Variants in PCDHGA2 observed in about 807,000 individuals in gnomAD.
PCDHGA2 encodes the protein protocadherin gamma-A2.
PCDHGA2 carries 40 observed loss-of-function variants against 59.2 expected under a neutral mutation model. That is an observed-to-expected ratio of 0.68 (90% CI 0.52 to 0.88). The LOEUF (loss-of-function observed/expected upper bound fraction) is 0.88, where lower values mean the gene tolerates loss of function less well. PCDHGA2 is among the 40% of genes least tolerant of loss of function. The pLI is 0.00. For missense variants in PCDHGA2, 1,226 were observed against 1,204.0 expected (o/e 1.02, Z -0.27); for synonymous variants, 560 against 526.0 (o/e 1.06, Z -0.89).
At chr5:141,362,612 G>A in intron 1 of PCDHGA2, 3 of 1,553,624 alleles carry the variant, frequency 1.9e-6, no homozygotes, top group Non-Finnish European at 2.6e-6. Flanking sequence ...CCTAATTTGG[G>A]TAGGAAGTTC....
intron 1 of PCDHGA2, chr5:141,350,436 T>C (rs762811863): frequency 2.3e-5 from 37 of 1,610,426 alleles, no homozygotes; most frequent in Non-Finnish European, 2.9e-5. Context: ...GTCCGGGAGT[T>C]GCCAACTCGA....
chr5:141,372,928 T>C, intron 1 of PCDHGA2: 1 of 925,756 alleles, frequency 1.1e-6, no homozygotes, highest in Non-Finnish European at 1.6e-6. Context: ...GATTTTCTGG[T>C]GTAGAGTAGG....
chr5:141,352,850 T>G (rs1470279292), intron 1 of PCDHGA2, among the ~76,000 whole-genome samples: 1 of 152,078 alleles, frequency 6.6e-6, no homozygotes, highest in East Asian at 1.9e-4. Flanking sequence ...TAGTTGGGTG[T>G]GGTGGCACGC....
chr5:141,422,873 T>C (rs1474438774), intron 1 of PCDHGA2: 1 of 1,614,158 alleles, frequency 6.2e-7, no homozygotes, highest in Admixed American at 1.7e-5. Flanking sequence ...AACGTGTCGC[T>C]GAGCCTGTTC....
rs574393099 is a variant in PCDHGA2 at position 141,372,200 on chromosome 5, C to T, written c.2424+30805C>T. On this transcript the variant is annotated intron_variant, in intron 1 of 3. Transcript: ENST00000394576. ...TGGACGCAGACTCGGGATACAACGC[C>T]TGGCTGTCCTACCACATTGTGCAGG... The T allele has an allele frequency of 2.0e-5, 32 of 1,613,598 alleles. No individual in the cohort carries two copies. The South Asian group carries it at 3.4e-4, about 17-fold the overall frequency.
intron 1 of PCDHGA2, chr5:141,417,728 T>A: frequency 7.3e-7 from 1 of 1,373,610 alleles, no homozygotes; most frequent in Non-Finnish European, 9.6e-7. Flanking sequence ...GCGCAGACCT[T>A]GCCCAGCACA....
intron 1 of PCDHGA2, among the ~76,000 whole-genome samples, chr5:141,467,486 T>A (rs985186472): frequency 6.6e-6 from 1 of 152,242 alleles, no homozygotes; most frequent in Non-Finnish European, 1.5e-5. Flanking sequence ...GGTTTCCACA[T>A]TTAGATCCCT....
intron 2 of PCDHGA2, among the ~76,000 whole-genome samples, chr5:141,499,265 C>T (rs1220250999): frequency 6.6e-6 from 1 of 152,128 alleles, no homozygotes; most frequent in African/African-American, 2.4e-5. Context: ...CATTTGGTCC[C>T]TAGACTGTTC....
intron 1 of PCDHGA2, among the ~76,000 whole-genome samples, chr5:141,464,648 G>A (rs776411908): frequency 6.6e-6 from 1 of 152,020 alleles, no homozygotes; most frequent in African/African-American, 2.4e-5. Flanking sequence ...AACCTGATGG[G>A]TAAAAAGATA....
intron 1 of PCDHGA2, chr5:141,391,563 A>T (rs545672465): frequency 5.3e-5 from 8 of 152,322 alleles, no homozygotes; most frequent in Admixed American, 2.0e-4. Context: ...TTCCATATGC[A>T]TAAGAAAATA....
At position 141,486,002 on chromosome 5, in the gene PCDHGA2, G is replaced by A. The variant is rs372373315; in HGVS notation, c.2425-8805G>A. ...CCCGGACCTGGGTCCCAGTGGTAAC[G>A]TCACCTTTTATTTCAGTGGTCATAC... On this transcript the variant is annotated intron_variant, in intron 1 of 3. Coordinates refer to ENST00000394576, the MANE Select transcript of PCDHGA2 (RefSeq NM_018915.4). The surrounding 1 kb of genome is among the most constrained non-coding windows in gnomAD (Gnocchi z 5.0). 2.0e-5 allele frequency: 33 copies of A among 1,614,030 alleles called. No homozygotes were observed. The highest frequency in any genetic ancestry group is 2.8e-5 in the Non-Finnish European group (33 of 1,180,014).
chr5:141,370,932 T>A, intron 1 of PCDHGA2: 1 of 1,613,926 alleles, frequency 6.2e-7, no homozygotes, highest in Admixed American at 1.7e-5. Flanking sequence ...GCACTTCTCT[T>A]TGATTCAGAA....
At chr5:141,412,233 A>T (rs866840267) in intron 1 of PCDHGA2, 1 of 152,256 alleles carries the variant, frequency 6.6e-6, no homozygotes, top group Non-Finnish European at 1.5e-5. Context: ...TTAAAAACCT[A>T]TATCACTACA....
chr5:141,359,411 G>A (rs1467965013), intron 1 of PCDHGA2, among the ~76,000 whole-genome samples: 1 of 151,822 alleles, frequency 6.6e-6, no homozygotes, highest in Non-Finnish European at 1.5e-5. Flanking sequence ...TTTAAAAAAT[G>A]TGTTTTTGTT....
intron 1 of PCDHGA2, chr5:141,384,303 G>C: frequency 6.2e-7 from 1 of 1,613,716 alleles, no homozygotes; most frequent in Non-Finnish European, 8.5e-7. Flanking sequence ...ACCCCAGAGG[G>C]GCCTCCATTT....
Position 141,407,988 on chromosome 5 carries a change from C to T in PCDHGA2, c.2424+66593C>T, listed in dbSNP as rs923527525. 1.3e-4 allele frequency: 104 copies of T among 827,076 alleles called. 1 individual carries two copies. The highest frequency in any genetic ancestry group is 3.7e-4 in the Middle Eastern group (1 of 2,684). 51.2% of individuals were successfully genotyped at this position (827,076 alleles called of 1,614,324 possible). ...GCGCTGACGCCGGGGATCCGTCAGC[C>T]TCTGGCCTGGGATTCCCTGCGCAGC... On this transcript the variant is annotated intron_variant, in intron 1 of 3. Transcript: ENST00000394576.
rs151037104 is a variant in PCDHGA2, at chr5:141,393,242, C to G, written c.2424+51847C>G. 3 of 1,613,778 alleles carry G rather than the reference C, an allele frequency of 1.9e-6. 1 individual carries two copies. The East Asian group carries it at 6.7e-5, about 36-fold the overall frequency. ...TCGAAGATCTAGAAGTAAAAATTAA[C>G]GAAATCGCGGTTCCTGGAGCACGTT... On this transcript the variant is annotated intron_variant, in intron 1 of 3. Coordinates refer to ENST00000394576, the MANE Select transcript of PCDHGA2 (RefSeq NM_018915.4).
chr5:141,427,628 G>A (rs1308356581), intron 1 of PCDHGA2: 2 of 700,966 alleles, frequency 2.9e-6, no homozygotes, highest in Admixed American at 2.0e-5. Flanking sequence ...ACAATGCTCC[G>A]GTTTTCCACC....
chr5:141,420,918 C>T (rs2096532512), intron 1 of PCDHGA2: 1 of 331,946 alleles, frequency 3.0e-6, no homozygotes, highest in South Asian at 6.4e-5. Flanking sequence ...GTGTGATTCA[C>T]AAAGGTGAGC....
Sources: allele counts gnomAD v4.1 joint callset (sites outside exome capture counted in the v4.1 genomes callset), GRCh38; gene constraint gnomAD v4.1.1; non-coding constraint Gnocchi (gnomAD v3.1); transcripts MANE v1.5; gene names NCBI Gene and HGNC (gene_info 2026-07-23, HGNC 2026-07-21).